Variants in PCDHGB2 observed in about 807,000 individuals in gnomAD.
PCDHGB2 encodes the protein protocadherin gamma subfamily B, 2.
PCDHGB2 carries 55 observed loss-of-function variants against 59.3 expected under a neutral mutation model. That is an observed-to-expected ratio of 0.93 (90% CI 0.75 to 1.16). The LOEUF (loss-of-function observed/expected upper bound fraction) is 1.16. PCDHGB2 is among the 50% of genes most tolerant of loss of function. The probability of loss-of-function intolerance (pLI) is 0.00; values close to 1 mark genes in which losing one functional copy is unlikely to be tolerated. For missense variants in PCDHGB2, 1,228 were observed against 1,198.5 expected, an observed-to-expected ratio of 1.02 and a Z score of -0.36; for synonymous variants, 516 against 512.0, an observed-to-expected ratio of 1.01 and a Z score of -0.11.
rs757924501 is a variant in PCDHGB2, at chr5:141,490,548, A to G, written c.2422-4259A>G. 1.2e-6 allele frequency: 2 copies of G among 1,614,084 alleles called. No individual in the cohort carries two copies. Among genetic ancestry groups the G allele is most frequent in the South Asian group, 2.2e-5 (2 of 91,080 alleles). ...ATGCTGGTTCACCTTCCCTACACAA[A>G]CATCTCACCATCAGGCTCAACATTT... On this transcript the variant is annotated intron_variant, in intron 1 of 3. Transcript: ENST00000522605. This position sits in a 1 kb window ranked among gnomAD's most constrained non-coding sequence, Gnocchi z 5.4.
chr5:141,386,695 A>G (rs2090674224), intron 1 of PCDHGB2, among the ~76,000 whole-genome samples: 1 of 152,168 alleles, frequency 6.6e-6, no homozygotes, highest in Non-Finnish European at 1.5e-5. Flanking sequence ...CACTTGGGGT[A>G]GAAGACAATG....
chr5:141,366,812 T>G (rs1459944909), intron 1 of PCDHGB2: 6 of 1,549,614 alleles, frequency 3.9e-6, no homozygotes, highest in Non-Finnish European at 4.4e-6. Context: ...TTTTTCATGT[T>G]TCTGTCATAT....
chr5:141,468,330 C>CAAAAAAAAAAA (rs533390277), intron 1 of PCDHGB2: 4 of 79,798 alleles, frequency 5.0e-5, no homozygotes, highest in Non-Finnish European at 1.1e-4. Flanking sequence ...AACTCCATCT[C>CAAAAAAAAAAA]AAAAAAAAAA....
intron 1 of PCDHGB2, chr5:141,423,106 G>A (rs562864937): frequency 1.2e-6 from 2 of 1,613,894 alleles, no homozygotes; most frequent in Admixed American, 1.7e-5. Context: ...CACGGGCGAG[G>A]TGCGTACAGC....
chr5:141,491,537 C>T lies in PCDHGB2; in HGVS notation c.2422-3270C>T, dbSNP rs1330469043. The T allele has an allele frequency of 3.1e-6, 5 of 1,613,908 alleles. No homozygotes were observed. The highest frequency in any genetic ancestry group is 4.2e-6 in the Non-Finnish European group (5 of 1,180,020). On this transcript the variant is annotated intron_variant, in intron 1 of 3. Transcript: ENST00000522605. This position sits in a 1 kb window ranked among gnomAD's most constrained non-coding sequence, Gnocchi z 6.9. ...AAGTACATGGAGGTGACGCTGCGGC[C>T]CACAGACTCGCAGAGCCACTGCTAC...
At chr5:141,494,972 C>A in intron 2 of PCDHGB2, 107 bp downstream of exon 2, 1 of 1,581,852 alleles carries the variant, frequency 6.3e-7, no homozygotes, top group South Asian at 1.1e-5. Flanking sequence ...TGGCTTCTCC[C>A]TCAGTTTGAG....
chr5:141,394,487 C>T (rs371014360), intron 1 of PCDHGB2: 11 of 1,614,248 alleles, frequency 6.8e-6, no homozygotes, highest in African/African-American at 5.3e-5. Context: ...AGAATGACAA[C>T]GCGCCCGAGA....
At chr5:141,381,409 G>T (rs998398001) in intron 1 of PCDHGB2, among the ~76,000 whole-genome samples, 1 of 152,220 alleles carries the variant, frequency 6.6e-6, no homozygotes, top group Non-Finnish European at 1.5e-5. Context: ...CAACATCAGT[G>T]GAGAGACGAG....
chr5:141,433,742 C>G (rs927651405), intron 1 of PCDHGB2, among the ~76,000 whole-genome samples: 1 of 150,826 alleles, frequency 6.6e-6, no homozygotes, highest in Non-Finnish European at 1.5e-5. Flanking sequence ...GAGGCTGAGT[C>G]AGGAGAATTG....
chr5:141,428,744 T>C (rs939886054), intron 1 of PCDHGB2: 10 of 155,306 alleles, frequency 6.4e-5, no homozygotes, highest in African/African-American at 2.4e-4. Context: ...ATATCTACTA[T>C]TGCTTCAGGT....
intron 1 of PCDHGB2, chr5:141,403,037 A>G (rs1561685258): frequency 9.3e-6 from 15 of 1,613,972 alleles, no homozygotes; most frequent in South Asian, 5.5e-5. Flanking sequence ...GGCCAGGGCC[A>G]GTCAGATTCG....
At chr5:141,423,384 C>T in intron 1 of PCDHGB2, 1 of 1,614,172 alleles carries the variant, frequency 6.2e-7, no homozygotes. Flanking sequence ...GGCTGTGGCG[C>T]TGGCATAAGT....
chr5:141,485,380 G>A lies in PCDHGB2; in HGVS notation c.2422-9427G>A. The A allele has an allele frequency of 1.9e-6, 3 of 1,614,146 alleles. No individual in the cohort carries two copies. The highest frequency in any genetic ancestry group is 2.5e-6 in the Non-Finnish European group (3 of 1,180,032). On this transcript the variant is annotated intron_variant, in intron 1 of 3. Coordinates refer to ENST00000522605, the MANE Select transcript of PCDHGB2 (RefSeq NM_018923.3). This position sits in a 1 kb window ranked among gnomAD's most constrained non-coding sequence, Gnocchi z 5.7. ...CTCGCAGGCTGCAGGTCGCTGGAGA[G>A]GTGAACCAAAGACACTTCCGTGTGG... is the stretch of plus-strand genomic sequence containing the variant.
chr5:141,510,272 TA>T (rs546154379), intron 3 of PCDHGB2, among the ~76,000 whole-genome samples: 4,704 of 130,308 alleles, frequency 0.036, 80 homozygotes, highest in South Asian at 0.057. Flanking sequence ...GACTCCATCT[TA>T]AAAAAAAAAA....
intron 1 of PCDHGB2, chr5:141,388,959 G>C: frequency 6.2e-7 from 1 of 1,613,996 alleles, no homozygotes; most frequent in Non-Finnish European, 8.5e-7. Flanking sequence ...GGAGGACGCC[G>C]AGCTGGGAAC....
chr5:141,377,563 C>G (rs987370681), intron 1 of PCDHGB2: 4 of 151,534 alleles, frequency 2.6e-5, no homozygotes, highest in African/African-American at 9.7e-5. Context: ...GTCACTGCAC[C>G]CTAGCCTGGG....
chr5:141,428,145 A>G (rs748256830), intron 1 of PCDHGB2: 10 of 1,592,574 alleles, frequency 6.3e-6, no homozygotes, highest in African/African-American at 1.3e-5. Context: ...GGGGCTGCAC[A>G]CGGGAACCTG....
intron 1 of PCDHGB2, among the ~76,000 whole-genome samples, chr5:141,450,826 A>T (rs965147554): frequency 1.9e-4 from 26 of 134,356 alleles, no homozygotes; most frequent in East Asian, 6.4e-4. Context: ...TATTATTATT[A>T]TTATTTTTTT....
At chr5:141,472,807 G>T (rs573078292) in intron 1 of PCDHGB2, among the ~76,000 whole-genome samples, 43 of 151,782 alleles carry the variant, frequency 2.8e-4, no homozygotes, top group African/African-American at 1.0e-3. Flanking sequence ...CCAACATGGA[G>T]AAACCCCCGT....
Sources: allele counts gnomAD v4.1 joint callset (sites outside exome capture counted in the v4.1 genomes callset), GRCh38; gene constraint gnomAD v4.1.1; non-coding constraint Gnocchi (gnomAD v3.1); transcripts MANE v1.5; gene names NCBI Gene and HGNC (gene_info 2026-07-23, HGNC 2026-07-21).